Variants in PTPN1 observed in about 807,000 individuals in gnomAD.
The protein encoded by PTPN1 is protein tyrosine phosphatase non-receptor type 1, also known as tyrosine-protein phosphatase non-receptor type 1.
A neutral mutation model predicts 59.9 loss-of-function variants in PTPN1; 12 were observed. The ratio of observed to expected loss-of-function variants is 0.20; its 90% CI spans 0.13 to 0.32. PTPN1 has a LOEUF of 0.32. Among genes scored for constraint, PTPN1 ranks in the 10% least tolerant of loss-of-function variants. PTPN1 has a pLI of 1.00. For synonymous variants in PTPN1, 178 were observed against 203.6 expected (o/e 0.87, Z 1.07); for missense variants, 356 against 549.2 (o/e 0.65, Z 3.52).
intron 1 of PTPN1, among the ~76,000 whole-genome samples, chr20:50,547,734 A>G (rs1403442495): frequency 1.3e-5 from 2 of 152,222 alleles, no homozygotes; most frequent in African/African-American, 4.8e-5. Context: ...TTTCTTAAAG[A>G]TAGGATACCC....
intron 2 of PTPN1, chr20:50,563,210 GTACTCCTATCCTCCTCCCC>G (rs1444281628): frequency 6.7e-6 from 1 of 149,898 alleles, no homozygotes. Context: ...TCCTCCTCCC[GTACTCCTATCCTCCTCCCC>G]TACTCCTATC....
intron 1 of PTPN1, among the ~76,000 whole-genome samples, chr20:50,523,443 T>C (rs2082559940): frequency 6.6e-6 from 1 of 152,258 alleles, no homozygotes; most frequent in South Asian, 2.1e-4. Context: ...TGCTTTATAC[T>C]TTTTTGTGTA....
chr20:50,540,556 A>T (rs553026953), intron 1 of PTPN1, among the ~76,000 whole-genome samples: 1 of 152,292 alleles, frequency 6.6e-6, no homozygotes, highest in African/African-American at 2.4e-5. Flanking sequence ...CATTTTTAAC[A>T]TTGGGGATCA....
intron 1 of PTPN1, among the ~76,000 whole-genome samples, chr20:50,537,016 C>A (rs1339356434): frequency 6.6e-6 from 1 of 152,100 alleles, no homozygotes; most frequent in Non-Finnish European, 1.5e-5. Context: ...ATTGTAGATT[C>A]CTGTGCAGTT....
At chr20:50,543,823 G>A (rs1193463860) in intron 1 of PTPN1, among the ~76,000 whole-genome samples, 8 of 152,094 alleles carry the variant, frequency 5.3e-5, no homozygotes, top group African/African-American at 1.9e-4. Context: ...TCAATAGGTT[G>A]GAATACATAA....
At position 50,582,126 on chromosome 20, in the gene PTPN1, T is replaced by C. The variant is rs1364859517; in HGVS notation, c.1285-566T>C. On this transcript the variant is annotated intron_variant, in intron 9 of 9. Transcript: ENST00000371621. The surrounding 1 kb of genome is among the most constrained non-coding windows in gnomAD (Gnocchi z 4.2). ...AACCTGCCTCTGCTTCTGCTCAGGGTGTCCCCGCTGGGTTTCCATTGTCCT... is the reference window on the plus strand; with the variant it reads ...AACCTGCCTCTGCTTCTGCTCAGGGCGTCCCCGCTGGGTTTCCATTGTCCT... Among the ~76,000 whole-genome samples, 1 of 152,196 alleles carries C rather than the reference T, an allele frequency of 6.6e-6. No individual in the cohort carries two copies. The highest frequency in any genetic ancestry group is 1.5e-5 in the Non-Finnish European group (1 of 68,016).
In PTPN1 at chr20:50,584,791, C is replaced by T. The variant is rs2082891051; in HGVS notation, c.*2076C>T. ...GGGGTGCTTCCCATTTTTTTCTTTG[C>T]TTAATAGAGCTAAACCAGGATGAGT... is the stretch of plus-strand genomic sequence containing the variant. On this transcript the variant is annotated 3_prime_UTR_variant, in exon 10 of 10. Coordinates refer to ENST00000371621, the MANE Select transcript of PTPN1 (RefSeq NM_002827.4). 1.3e-5 allele frequency: 2 copies of T among 152,056 alleles called. No homozygotes were observed. The highest frequency in any genetic ancestry group is 2.9e-5 in the Non-Finnish European group (2 of 68,006). The allele number at this position is 152,056 out of a possible 1,614,324, so 9.4% of individuals were successfully genotyped here.
In PTPN1 at chr20:50,561,400, T is replaced by C; in HGVS notation, c.101T>C (p.Val34Ala). ...RHEASDFPCR[V>A]AKLPKNKNRN... ...GAAGCCAGTGACTTCCCATGTAGAGTGGCCAAGCTTCCTAAGAACAAAAAC... is the reference window on the plus strand; with the variant it reads ...GAAGCCAGTGACTTCCCATGTAGAGCGGCCAAGCTTCCTAAGAACAAAAAC... The change falls in exon 2 of 10, where the codon GTG (valine) becomes GCG (alanine). Residue 34 changes from valine (V) to alanine (A), a missense_variant. Val to Ala is a moderately conservative substitution (Grantham distance 64). This residue lies in a region of PTPN1 where 194 missense variants were observed against 344.2 expected (regional missense o/e 0.56). Transcript: ENST00000371621. The C allele has an allele frequency of 3.1e-6, 5 of 1,613,434 alleles. No individual in the cohort carries two copies. Among genetic ancestry groups the C allele is most frequent in the Non-Finnish European group, 4.2e-6 (5 of 1,179,636 alleles).
chr20:50,582,671 A>G lies in PTPN1; in HGVS notation c.1285-21A>G, dbSNP rs753997200. The G allele has an allele frequency of 6.2e-7, 1 of 1,613,104 alleles. No individual in the cohort carries two copies. The highest frequency in any genetic ancestry group is 8.5e-7 in the Non-Finnish European group (1 of 1,179,632). ...GCAGGTGCGGGTCTGGGCTCATCTG[A>G]ACTGTTTGGTTTCATTCCAGTTCCT... is the stretch of plus-strand genomic sequence containing the variant. On this transcript the variant is annotated intron_variant, in intron 9 of 9. Coordinates refer to ENST00000371621, the MANE Select transcript of PTPN1 (RefSeq NM_002827.4). The surrounding 1 kb of genome is among the most constrained non-coding windows in gnomAD (Gnocchi z 4.2).
chr20:50,523,159 C>T (rs562217049), intron 1 of PTPN1, among the ~76,000 whole-genome samples: 52 of 151,966 alleles, frequency 3.4e-4, no homozygotes, highest in Non-Finnish European at 6.6e-4. Context: ...GAAGAGGAAA[C>T]GGGAGGAATG....
intron 1 of PTPN1, among the ~76,000 whole-genome samples, chr20:50,541,306 A>G (rs1601397732): frequency 6.6e-6 from 1 of 152,144 alleles, no homozygotes; most frequent in Non-Finnish European, 1.5e-5. Flanking sequence ...TGCTATGTCT[A>G]TTTTCTCAAT....
At chr20:50,532,183 G>C (rs1375638412) in intron 1 of PTPN1, among the ~76,000 whole-genome samples, 2 of 152,328 alleles carry the variant, frequency 1.3e-5, no homozygotes, top group Middle Eastern at 6.8e-3. Context: ...TAGAACAGCA[G>C]GTTTTTGTGG....
At chr20:50,569,476 C>T (rs538939613) in intron 4 of PTPN1, among the ~76,000 whole-genome samples, 13 of 152,218 alleles carry the variant, frequency 8.5e-5, no homozygotes, top group South Asian at 2.1e-4. Context: ...TGAGAATAGC[C>T]GATTTCTGGG....
chr20:50,525,612 ATTT>A (rs10854185), intron 1 of PTPN1, among the ~76,000 whole-genome samples: 309 of 146,878 alleles, frequency 2.1e-3, no homozygotes, highest in African/African-American at 3.3e-3. Context: ...CCTGGATTTG[ATTT>A]TTTTTTTTTT....
chr20:50,532,362 C>T (rs994688243), intron 1 of PTPN1, among the ~76,000 whole-genome samples: 1 of 152,108 alleles, frequency 6.6e-6, no homozygotes, highest in Non-Finnish European at 1.5e-5. Flanking sequence ...TTCTTTGGGT[C>T]GGTTCAGCGA....
chr20:50,539,650 T>C (rs2122748154), intron 1 of PTPN1, among the ~76,000 whole-genome samples: 1 of 147,904 alleles, frequency 6.8e-6, no homozygotes, highest in African/African-American at 2.5e-5. Context: ...CTCTCTTTTT[T>C]TTTTTTTTTT....
chr20:50,527,359 T>C (rs2122731834), intron 1 of PTPN1, among the ~76,000 whole-genome samples: 1 of 152,250 alleles, frequency 6.6e-6, no homozygotes, highest in South Asian at 2.1e-4. Context: ...TTTTTTTTTT[T>C]TCCAGACTGA....
chr20:50,519,534 T>C (rs545051210), intron 1 of PTPN1, among the ~76,000 whole-genome samples: 1 of 152,340 alleles, frequency 6.6e-6, no homozygotes, highest in East Asian at 1.9e-4. Flanking sequence ...GAGCGTGGTA[T>C]GTCCTTAGCT....
intron 1 of PTPN1, among the ~76,000 whole-genome samples, chr20:50,546,302 G>A (rs1184911779): frequency 2.0e-5 from 3 of 152,174 alleles, no homozygotes; most frequent in Non-Finnish European, 4.4e-5. Context: ...TTAATGCATT[G>A]AATCTGAACC....
Sources: gnomAD v4.1 joint callset for allele counts (sites outside exome capture counted in the v4.1 genomes callset) on GRCh38, gnomAD v4.1.1 for gene constraint, gnomAD v4.1.1 regional missense constraint, Gnocchi (gnomAD v3.1) non-coding constraint, MANE v1.5 for transcripts, NCBI Gene and HGNC (gene_info 2026-07-23, HGNC 2026-07-21) for gene names.